Variants in TMEM132A observed in about 807,000 individuals in gnomAD.
TMEM132A encodes the protein GRP78-binding protein.
Under a neutral mutation model 69.9 loss-of-function variants are expected in TMEM132A, and 48 were observed. The observed-to-expected ratio is 0.69, with a 90% CI of 0.55 to 0.87. The LOEUF (loss-of-function observed/expected upper bound fraction) is 0.87, where lower values mean the gene tolerates loss of function less well. Among genes scored for constraint, TMEM132A ranks in the 40% least tolerant of loss-of-function variants. The probability of loss-of-function intolerance (pLI) is 0.00; values close to 1 mark genes in which losing one functional copy is unlikely to be tolerated. For missense variants in TMEM132A, 1,287 were observed against 1,407.2 expected (o/e 0.91, Z 1.37); for synonymous variants, 577 against 613.7 (o/e 0.94, Z 0.88).
chr11:60,933,907 G>T, intron 8 of TMEM132A, 163 bp downstream of exon 8: 1 of 642,922 alleles, frequency 1.6e-6, no homozygotes, highest in East Asian at 2.8e-5. Flanking sequence ...GCCAATGATC[G>T]CTTTCTGTGA....
In TMEM132A at chr11:60,934,566, C is replaced by T. The variant is rs746768126; in HGVS notation, c.1638C>T (p.Ala546=). 17 of 1,533,978 alleles carry T rather than the reference C, an allele frequency of 1.1e-5. No homozygotes were observed. In the East Asian group the frequency reaches 2.9e-4, roughly 26 times the overall value. The change falls in exon 9 of 11, where the codon GCC becomes GCT. Residue 546 remains alanine, a synonymous_variant. Transcript: ENST00000453848. ...ARGCHLQYQR[A]GVRFLAPFAA... Reference sequence around the variant, plus strand: ...GCTGCCACCTGCAGTACCAGCGGGCCGGTGTGCGCTTCCTCGCCCCCTTCG... The same window carrying T: ...GCTGCCACCTGCAGTACCAGCGGGCTGGTGTGCGCTTCCTCGCCCCCTTCG...
At position 60,928,785 on chromosome 11, in the gene TMEM132A, G is replaced by A. The variant is rs1370851171; in HGVS notation, c.691G>A (p.Ala231Thr). 3.1e-6 allele frequency: 5 copies of A among 1,610,004 alleles called. No homozygotes were observed. The African/African-American group carries it at 6.7e-5, about 21-fold the overall frequency. Reference protein sequence around the residue: ...SGEENDPGEQALPVGGVELRP... With the variant: ...SGEENDPGEQTLPVGGVELRP... Reference sequence around the variant, plus strand: ...CGAGGAGAACGACCCTGGGGAGCAGGCCCTCCCAGTGGGGGGTGTGGAGCT... The same window carrying A: ...CGAGGAGAACGACCCTGGGGAGCAGACCCTCCCAGTGGGGGGTGTGGAGCT... The change falls in exon 4 of 11, where the codon GCC becomes ACC. Residue 231 changes from alanine to threonine, a missense_variant. By Grantham distance (58) the Ala-to-Thr change is moderately conservative (BLOSUM62 0). Coordinates refer to ENST00000453848, the MANE Select transcript of TMEM132A (RefSeq NM_178031.3).
intron 7 of TMEM132A, chr11:60,932,547 C>T (rs907623366): frequency 1.3e-5 from 2 of 159,958 alleles, no homozygotes; most frequent in Non-Finnish European, 1.4e-5. Flanking sequence ...ATTAAAAGCA[C>T]TTTAAGACAG....
chr11:60,930,807 A>G, intron 5 of TMEM132A, 148 bp downstream of exon 5: 2 of 764,312 alleles, frequency 2.6e-6, no homozygotes, highest in Non-Finnish European at 2.0e-6. Context: ...AGCACAAAGC[A>G]GGCATAATCC....
At position 60,934,858 on chromosome 11, in the gene TMEM132A, C is replaced by T. The variant is rs115958512; in HGVS notation, c.1836+94C>T. ...GTGGGAGTGAAGAGTGTGCCAGGAG[C>T]CCAGAGTGTGTGGGGGAGTTGTGCG... On this transcript the variant is annotated intron_variant, in intron 9 of 10. Coordinates refer to ENST00000453848, the MANE Select transcript of TMEM132A (RefSeq NM_178031.3). The T allele has an allele frequency of 1.1e-3, 1,423 of 1,342,498 alleles. 14 individuals are homozygous for T. In the African/African-American group the frequency reaches 0.018, roughly 17 times the overall value. 83.2% of individuals were successfully genotyped at this position (1,342,498 alleles called of 1,614,324 possible).
rs1856309867 is a variant in TMEM132A at position 60,924,614 on chromosome 11, C to T, written c.-20C>T. 2 of 1,579,964 alleles carry T rather than the reference C, an allele frequency of 1.3e-6. No homozygotes were observed. The highest frequency in any genetic ancestry group is 1.1e-5 in the South Asian group (1 of 88,810). Reference sequence around the variant, plus strand: ...GGGCCACCTGAGCCGCCCGCCTCGTCCCCGCCTTCTGTGGGAAGGATGTGC... The same window carrying T: ...GGGCCACCTGAGCCGCCCGCCTCGTTCCCGCCTTCTGTGGGAAGGATGTGC... On this transcript the variant is annotated 5_prime_UTR_variant, in exon 1 of 11. Coordinates refer to ENST00000453848, the MANE Select transcript of TMEM132A (RefSeq NM_178031.3).
At chr11:60,932,314 C>T (rs1473264576) in intron 7 of TMEM132A, 187 bp downstream of exon 7, 10 of 630,826 alleles carry the variant, frequency 1.6e-5, no homozygotes, top group Non-Finnish European at 2.2e-5. Context: ...AGTCAAGTAA[C>T]CCTAACAGCC....
chr11:60,931,598 TA>T (rs1856480483), intron 5 of TMEM132A, 90 bp from the exon 6 acceptor site: 1 of 1,319,844 alleles, frequency 7.6e-7, no homozygotes, highest in Non-Finnish European at 1.1e-6. Flanking sequence ...TCCTCCTGTG[TA>T]AAATGGGGAT....
intron 9 of TMEM132A, 29 bp downstream of exon 9, chr11:60,934,793 C>T: frequency 6.4e-7 from 1 of 1,570,166 alleles, no homozygotes; most frequent in South Asian, 1.2e-5. Context: ...GGAGAGTAGA[C>T]CCCCTGAGAA....
rs1381030705 is a variant in TMEM132A, at chr11:60,936,086, G to A, written c.2251G>A (p.Gly751Ser). 2.5e-6 allele frequency: 4 copies of A among 1,609,666 alleles called. No homozygotes were observed. Among genetic ancestry groups the A allele is most frequent in the East Asian group, 4.5e-5 (2 of 44,786 alleles). Residue 751 changes from glycine to serine, a missense_variant, in exon 11 of 11, where the codon GGC (glycine) becomes AGC (serine). Physicochemically the swap from Gly to Ser is moderately conservative, Grantham distance 56. Transcript: ENST00000453848. ...GCACCCGCCCGAGCCCTGCCGCCGG[G>A]GCCGCCACCGTGTGCCTCTGGCCTC... ...ALHPPEPCRR[G>S]RHRVPLASGT...
chr11:60,929,412 T>C (rs3794042), intron 4 of TMEM132A, among the ~76,000 whole-genome samples: 65,139 of 152,088 alleles, frequency 0.43, 14,121 homozygotes, highest in Middle Eastern at 0.47. Context: ...TGGACAGAGC[T>C]TGCTCTTCCC....
Position 60,930,565 on chromosome 11 carries a change from C to A in TMEM132A, c.922C>A (p.Leu308Ile). 6.2e-7 allele frequency: 1 copy of A among 1,613,398 alleles called. No homozygotes were observed. Among genetic ancestry groups the A allele is most frequent in the South Asian group, 1.1e-5 (1 of 91,022 alleles). Reference sequence around the variant, plus strand: ...AGCCGCCCGCCCAGCCCAGCCCACACTCTGGACTGCCAAGCTGGACCGCTT... The same window carrying A: ...AGCCGCCCGCCCAGCCCAGCCCACAATCTGGACTGCCAAGCTGGACCGCTT... ...VTAARPAQPTLWTAKLDRFKG... is the reference protein window; with the variant it reads ...VTAARPAQPTIWTAKLDRFKG... Residue 308 changes from leucine to isoleucine, a missense_variant, in exon 5 of 11, where the codon CTC (leucine) becomes ATC (isoleucine). By Grantham distance (5) the Leu-to-Ile change is conservative (BLOSUM62 2). Coordinates refer to ENST00000453848, the MANE Select transcript of TMEM132A (RefSeq NM_178031.3).
intron 7 of TMEM132A, 28 bp downstream of exon 7, chr11:60,932,155 A>T: frequency 1.3e-6 from 2 of 1,516,588 alleles, no homozygotes; most frequent in Non-Finnish European, 1.8e-6. Flanking sequence ...AGCTCATGTG[A>T]GTCTGCATTT....
In TMEM132A at chr11:60,933,753, AG is replaced by A; in HGVS notation, c.1559+11del. ...CCTGGCCCTGCTGAAGGGTGAGTGG[AG>A]GCCTGAGGAAGCTGGCAGGCCTTGG... is the stretch of plus-strand genomic sequence containing the variant. On this transcript the variant is annotated intron_variant, in intron 8 of 10. Transcript: ENST00000453848. 6.4e-7 allele frequency: 1 copy of A among 1,557,026 alleles called. No homozygotes were observed. Among genetic ancestry groups the A allele is most frequent in the Non-Finnish European group, 8.7e-7 (1 of 1,150,762 alleles).
At position 60,934,578 on chromosome 11, in the gene TMEM132A, C is replaced by T. The variant is rs1408798519; in HGVS notation, c.1650C>T (p.Phe550=). Residue 550 remains phenylalanine, a synonymous_variant, in exon 9 of 11, where the codon TTC becomes TTT. Coordinates refer to ENST00000453848, the MANE Select transcript of TMEM132A (RefSeq NM_178031.3). The part of the protein sequence containing the change: ...HLQYQRAGVR[F]LAPFAAHPLD... ...AGTACCAGCGGGCCGGTGTGCGCTT[C>T]CTCGCCCCCTTCGCGGCCCACCCGC... 1 of 1,551,788 alleles carries T rather than the reference C, an allele frequency of 6.4e-7. No individual in the cohort carries two copies. Among genetic ancestry groups the T allele is most frequent in the African/African-American group, 1.4e-5 (1 of 73,754 alleles).
chr11:60,935,749 T>C lies in TMEM132A; in HGVS notation c.2029-115T>C. On this transcript the variant is annotated intron_variant, in intron 10 of 10. Coordinates refer to ENST00000453848, the MANE Select transcript of TMEM132A (RefSeq NM_178031.3). This position sits in a 1 kb window ranked among gnomAD's most constrained non-coding sequence, Gnocchi z 5.0. ...TCCCTGTGTTTTGTCTATCTGCCTG[T>C]GTCTCTGTTTTCTCTCTGGTCTCTC... 1 of 1,232,094 alleles carries C rather than the reference T, an allele frequency of 8.1e-7. No individual in the cohort carries two copies. The allele number at this position is 1,232,094 out of a possible 1,614,324, so 76.3% of individuals were successfully genotyped here.
Position 60,927,266 on chromosome 11 carries a change from G to GC in TMEM132A, c.167dup (p.Glu57Ter). On this transcript the variant is annotated frameshift_variant, in exon 2 of 11. Coordinates refer to ENST00000453848, the MANE Select transcript of TMEM132A (RefSeq NM_178031.3). LOFTEE classifies it high-confidence loss of function. ...GCCGGCAGCCCTGGAGCTCCTAGACGCCCCTGAACACTTCCGTGTGCAGCA... is the reference window on the plus strand; with the variant it reads ...GCCGGCAGCCCTGGAGCTCCTAGACGCCCCCTGAACACTTCCGTGTGCAGCA... 1 of 1,613,456 alleles carries GC rather than the reference G, an allele frequency of 6.2e-7. No individual in the cohort carries two copies. The highest frequency in any genetic ancestry group is 8.5e-7 in the Non-Finnish European group (1 of 1,179,952).
intron 1 of TMEM132A, 148 bp downstream of exon 1, chr11:60,924,881 G>T: frequency 1.7e-6 from 1 of 602,820 alleles, no homozygotes; most frequent in Non-Finnish European, 2.8e-6. Context: ...GAGAGTTCTT[G>T]CCCTCGGGAA....
At chr11:60,929,006 G>A in intron 4 of TMEM132A, 46 bp downstream of exon 4, 1 of 1,590,000 alleles carries the variant, frequency 6.3e-7, no homozygotes, top group Admixed American at 1.7e-5. Flanking sequence ...AACCTCTGTG[G>A]GAAGACTAGG....
Sources: allele counts gnomAD v4.1 joint callset (sites outside exome capture counted in the v4.1 genomes callset), GRCh38; gene constraint gnomAD v4.1.1; non-coding constraint Gnocchi (gnomAD v3.1); transcripts MANE v1.5; gene names NCBI Gene and HGNC (gene_info 2026-07-23, HGNC 2026-07-21).